SYNPR: variants seen among roughly 807,000 people sequenced by gnomAD.
SYNPR encodes the protein synaptoporin.
Under a neutral mutation model 32.9 loss-of-function variants are expected in SYNPR, and 23 were observed. The ratio of observed to expected loss-of-function variants is 0.70; its 90% CI spans 0.50 to 0.99. The LOEUF (loss-of-function observed/expected upper bound fraction) is 0.99. SYNPR is among the 50% of genes least tolerant of loss of function. The pLI, the probability that SYNPR is intolerant of heterozygous loss-of-function variation, is 0.00. For missense variants in SYNPR, 318 were observed against 349.3 expected (o/e 0.91, Z 0.71); for synonymous variants, 146 against 135.9 (o/e 1.07, Z -0.52).
At chr3:63,373,492 A>G (rs1475617629) in intron 2 of SYNPR, among the ~76,000 whole-genome samples, 5 of 152,198 alleles carry the variant, frequency 3.3e-5, no homozygotes, top group African/African-American at 1.2e-4. Flanking sequence ...GAGCTTGAAG[A>G]CTTGCTCTCC....
intron 2 of SYNPR, among the ~76,000 whole-genome samples, chr3:63,436,674 C>G (rs984989775): frequency 2.0e-5 from 3 of 152,062 alleles, no homozygotes; most frequent in African/African-American, 7.2e-5. Context: ...CATGGACAGC[C>G]CTCCAGCAAG....
At chr3:63,436,034 T>G (rs531013039) in intron 2 of SYNPR, among the ~76,000 whole-genome samples, 8 of 152,328 alleles carry the variant, frequency 5.3e-5, no homozygotes, top group Admixed American at 1.3e-4. Flanking sequence ...ACATGGCATG[T>G]GCATGGCATA....
At chr3:63,252,437 A>C (rs2086340617) in intron 1 of SYNPR, 1 of 152,174 alleles carries the variant, frequency 6.6e-6, no homozygotes, top group African/African-American at 2.4e-5. Flanking sequence ...ATTGTGTCTT[A>C]AATATTTTTT....
intron 2 of SYNPR, among the ~76,000 whole-genome samples, chr3:63,345,790 T>C (rs1337641318): frequency 6.6e-6 from 1 of 151,596 alleles, no homozygotes; most frequent in Non-Finnish European, 1.5e-5. Flanking sequence ...TTTGAAATGT[T>C]GCTTTCGTCT....
intron 2 of SYNPR, among the ~76,000 whole-genome samples, chr3:63,262,320 G>C (rs991400137): frequency 6.6e-6 from 1 of 152,214 alleles, no homozygotes; most frequent in Non-Finnish European, 1.5e-5. Context: ...AGCACAGCTG[G>C]TTGGTTGGTC....
intron 2 of SYNPR, among the ~76,000 whole-genome samples, chr3:63,472,924 G>A (rs780220271): frequency 6.6e-6 from 1 of 152,146 alleles, no homozygotes. Context: ...TTTGTCATCA[G>A]AGCATGAAAG....
chr3:63,518,709 C>T (rs1701846176), intron 3 of SYNPR, among the ~76,000 whole-genome samples: 1 of 152,148 alleles, frequency 6.6e-6, no homozygotes, highest in Non-Finnish European at 1.5e-5. Flanking sequence ...GAGTGCTTTA[C>T]ATGTGGACTC....
At chr3:63,396,633 T>C (rs963779810) in intron 2 of SYNPR, among the ~76,000 whole-genome samples, 14 of 152,148 alleles carry the variant, frequency 9.2e-5, no homozygotes, top group African/African-American at 3.4e-4. Flanking sequence ...AGGCCCGAGG[T>C]CTTCCTTCAG....
At chr3:63,238,754 A>G (rs1386140564) in intron 1 of SYNPR, among the ~76,000 whole-genome samples, 1 of 152,190 alleles carries the variant, frequency 6.6e-6, no homozygotes, top group African/African-American at 2.4e-5. Context: ...AATACAGATC[A>G]AAGTGAAACA....
At chr3:63,601,724 C>T (rs1700046579) in intron 4 of SYNPR, among the ~76,000 whole-genome samples, 1 of 151,960 alleles carries the variant, frequency 6.6e-6, no homozygotes, top group African/African-American at 2.4e-5. Flanking sequence ...GTATATGTAC[C>T]ACATTTTCTT....
intron 2 of SYNPR, among the ~76,000 whole-genome samples, chr3:63,375,501 C>G (rs914721124): frequency 2.6e-5 from 4 of 152,026 alleles, no homozygotes; most frequent in Non-Finnish European, 5.9e-5. Context: ...TGTTCTCACT[C>G]GTAGGTGGGA....
At chr3:63,405,093 C>G (rs748264666) in intron 2 of SYNPR, among the ~76,000 whole-genome samples, 1 of 152,136 alleles carries the variant, frequency 6.6e-6, no homozygotes, top group African/African-American at 2.4e-5. Flanking sequence ...TCCTAAGGAA[C>G]AGGACATCAG....
rs79052979 is a variant in SYNPR at position 63,497,599 on chromosome 3, C to T, written c.209+16643C>T. On this transcript the variant is annotated intron_variant, in intron 3 of 5. Coordinates refer to ENST00000478300, the MANE Select transcript of SYNPR (RefSeq NM_001130003.2). ...TGTGAACCACCATCTTTGACACAAA[C>T]TTTGCCATTTCCAAATCTGAAATTA... is the stretch of plus-strand genomic sequence containing the variant. 8.4e-3 allele frequency among the ~76,000 whole-genome samples: 1,260 copies of T among 150,566 alleles called. 59 individuals are homozygous for T. In the East Asian group the frequency reaches 0.14, roughly 16 times the overall value.
chr3:63,224,369 G>T (rs1461304600), upstream of SYNPR, among the ~76,000 whole-genome samples: 2 of 152,162 alleles, frequency 1.3e-5, no homozygotes, highest in East Asian at 3.9e-4. Context: ...CCTCATCCCT[G>T]TCCATGGAAA....
At chr3:63,276,620 T>TCCCCCCCC (rs11398109), upstream of SYNPR, among the ~76,000 whole-genome samples, 171 of 141,912 alleles carry the variant, frequency 1.2e-3, no homozygotes, top group Non-Finnish European at 1.7e-3. Flanking sequence ...TAGTGTTAGT[T>TCCCCCCCC]CCCCCCACCC....
chr3:63,547,612 G>A (rs13315607), intron 3 of SYNPR, among the ~76,000 whole-genome samples: 1 of 152,096 alleles, frequency 6.6e-6, no homozygotes, highest in African/African-American at 2.4e-5. Context: ...CATCCTATGA[G>A]AACTGTCCTA....
intron 2 of SYNPR, among the ~76,000 whole-genome samples, chr3:63,414,871 A>T (rs1288470402): frequency 6.6e-6 from 1 of 152,112 alleles, no homozygotes; most frequent in Non-Finnish European, 1.5e-5. Flanking sequence ...TTTGAATCTT[A>T]CCACTTTCTA....
At chr3:63,364,255 C>T (rs778183532) in intron 2 of SYNPR, among the ~76,000 whole-genome samples, 5 of 152,066 alleles carry the variant, frequency 3.3e-5, no homozygotes, top group Non-Finnish European at 5.9e-5. Flanking sequence ...CACTTTTGTG[C>T]AAGGTATTAA....
chr3:63,204,333 T>A, the SYNPR span, among the ~76,000 whole-genome samples: 1 of 152,198 alleles, frequency 6.6e-6, no homozygotes. Context: ...TCCTTGCTTG[T>A]GGAAGCACAA....
Sources: allele counts gnomAD v4.1 joint callset (sites outside exome capture counted in the v4.1 genomes callset), GRCh38; gene constraint gnomAD v4.1.1; transcripts MANE v1.5; gene names NCBI Gene and HGNC (gene_info 2026-07-23, HGNC 2026-07-21).